The following MYO18B variants were observed in gnomAD, a reference collection of about 807,000 sequenced individuals.
The protein encoded by MYO18B is unconventional myosin-XVIIIb.
In MYO18B, 204 loss-of-function variants were observed where a neutral mutation model predicts 273.0. That is an observed-to-expected ratio of 0.75 (90% CI 0.67 to 0.84). The LOEUF (loss-of-function observed/expected upper bound fraction) is 0.84, where lower values mean the gene tolerates loss of function less well. Ranked by LOEUF, MYO18B falls within the 40% of genes least tolerant of loss-of-function variation. The pLI is 0.00. For synonymous variants in MYO18B, 1,330 were observed against 1,305.7 expected (o/e 1.02, Z -0.40); for missense variants, 3,212 against 3,287.6 (o/e 0.98, Z 0.56).
chr22:25,955,543 TG>T (rs1393278994), intron 39 of MYO18B, among the ~76,000 whole-genome samples, 179 bp downstream of exon 39: 2 of 152,190 alleles, frequency 1.3e-5, no homozygotes, highest in Non-Finnish European at 2.9e-5. Context: ...CGTCATTGGC[TG>T]CAAACCCTGG....
chr22:25,875,133 A>G (rs1348009170), intron 23 of MYO18B, among the ~76,000 whole-genome samples: 5 of 152,200 alleles, frequency 3.3e-5, no homozygotes, highest in Non-Finnish European at 5.9e-5. Flanking sequence ...GTGAATAATG[A>G]ACATATTGTG....
At chr22:25,848,120 A>C (rs1420616795) in intron 20 of MYO18B, among the ~76,000 whole-genome samples, 1 of 152,198 alleles carries the variant, frequency 6.6e-6, no homozygotes. Flanking sequence ...TCTTCCTTTT[A>C]GCCATGAATT....
At chr22:25,892,244 A>G (rs972828270) in intron 27 of MYO18B, 1 of 152,244 alleles carries the variant, frequency 6.6e-6, no homozygotes, top group Non-Finnish European at 1.5e-5. Flanking sequence ...ATGAGGAATG[A>G]TGAGATCACA....
At chr22:25,926,528 C>T (rs1012771406) in intron 34 of MYO18B, among the ~76,000 whole-genome samples, 1 of 152,156 alleles carries the variant, frequency 6.6e-6, no homozygotes, top group African/African-American at 2.4e-5. Flanking sequence ...CTCCTGGCCT[C>T]AAGTGATCCA....
At chr22:25,986,548 T>C (rs1258137149) in intron 39 of MYO18B, among the ~76,000 whole-genome samples, 1 of 152,258 alleles carries the variant, frequency 6.6e-6, no homozygotes, top group Non-Finnish European at 1.5e-5. Flanking sequence ...TTTAGCAGAC[T>C]GCCTGTGTAT....
At chr22:25,893,297 T>G (rs1449740157) in intron 27 of MYO18B, among the ~76,000 whole-genome samples, 1 of 152,136 alleles carries the variant, frequency 6.6e-6, no homozygotes, top group African/African-American at 2.4e-5. Flanking sequence ...CTGGACACTG[T>G]GGGGGTTACA....
At chr22:25,784,427 GA>G (rs2087292518) in intron 10 of MYO18B, among the ~76,000 whole-genome samples, 1 of 152,208 alleles carries the variant, frequency 6.6e-6, no homozygotes, top group South Asian at 2.1e-4. Flanking sequence ...TTACAGATAA[GA>G]AAAAGTGAGT....
intron 42 of MYO18B, among the ~76,000 whole-genome samples, chr22:26,013,532 T>C (rs1935075209): frequency 6.6e-6 from 1 of 152,250 alleles, no homozygotes. Context: ...TGCATGAATA[T>C]ACAGATTTCT....
At chr22:25,921,495 G>A (rs542662617) in intron 34 of MYO18B, 86 bp downstream of exon 34, 40 of 1,468,796 alleles carry the variant, frequency 2.7e-5, no homozygotes, top group Middle Eastern at 4.8e-4. Context: ...AGGTATGAGC[G>A]GAACCATGGT....
intron 25 of MYO18B, among the ~76,000 whole-genome samples, chr22:25,882,416 G>A (rs1601452783): frequency 1.3e-5 from 2 of 152,034 alleles, no homozygotes; most frequent in East Asian, 1.9e-4. Flanking sequence ...GGCTATTGAG[G>A]TGTTAGGGAA....
At chr22:26,043,771 C>T in the MYO18B span, among the ~76,000 whole-genome samples, 1 of 152,050 alleles carries the variant, frequency 6.6e-6, no homozygotes, top group South Asian at 2.1e-4. Context: ...GCCTCGTTGG[C>T]CTCCCAAAGT....
intron 25 of MYO18B, among the ~76,000 whole-genome samples, chr22:25,889,093 T>G (rs1208546486): frequency 1.3e-5 from 2 of 152,130 alleles, no homozygotes; most frequent in Non-Finnish European, 2.9e-5. Context: ...CTTTGTTCTG[T>G]GCAAACAAAA....
chr22:25,988,126 A>C (rs2093221745), intron 39 of MYO18B, among the ~76,000 whole-genome samples: 2 of 151,680 alleles, frequency 1.3e-5, no homozygotes, highest in Non-Finnish European at 1.5e-5. Context: ...GTTTCATGAG[A>C]GGGGCACTGG....
chr22:25,855,204 G>A (rs954608063), intron 21 of MYO18B, among the ~76,000 whole-genome samples: 4 of 151,530 alleles, frequency 2.6e-5, no homozygotes, highest in African/African-American at 7.3e-5. Context: ...TGTGGTATTT[G>A]GTTTTCTGTT....
In MYO18B at chr22:26,030,721, A is replaced by T. The variant is rs1389252397; in HGVS notation, c.*291A>T. ...GTGCAGATAGGGGTAGGACTGTTAG[A>T]ATAGAACCAACCCAAACTGTGTGTA... On this transcript the variant is annotated 3_prime_UTR_variant, in exon 44 of 44. Coordinates refer to ENST00000335473, the MANE Select transcript of MYO18B (RefSeq NM_032608.7). The T allele has an allele frequency of 1.3e-5, 5 of 389,342 alleles. No homozygotes were observed. The highest frequency in any genetic ancestry group is 2.3e-5 in the Non-Finnish European group (5 of 220,712). The allele number at this position is 389,342 out of a possible 1,614,324, so 24.1% of individuals were successfully genotyped here. A position where few individuals can be genotyped will look rare whatever the true frequency, so the allele number is the denominator to read the frequency against.
chr22:26,029,318 C>T (rs1936529413), intron 43 of MYO18B, among the ~76,000 whole-genome samples: 1 of 152,172 alleles, frequency 6.6e-6, no homozygotes, highest in Admixed American at 6.5e-5. Context: ...ATGAGGCACA[C>T]GTCCTCTATT....
intron 42 of MYO18B, among the ~76,000 whole-genome samples, chr22:26,013,312 G>A (rs181644807): frequency 6.6e-6 from 1 of 152,248 alleles, no homozygotes; most frequent in Non-Finnish European, 1.5e-5. Context: ...GCTGCCAAAT[G>A]TCTTACAATG....
intron 34 of MYO18B, among the ~76,000 whole-genome samples, chr22:25,942,150 TAGCAAGACGGTGCTGCTGGCAGA>T (rs1224171287): frequency 6.6e-5 from 10 of 152,328 alleles, no homozygotes; most frequent in African/African-American, 2.4e-4. Flanking sequence ...AACTGAGGCA[TAGCAAGACGGTGCTGCTGGCAGA>T]AGCAGACTGC....
intron 30 of MYO18B, chr22:25,903,206 G>C (rs1209494976): frequency 4.9e-6 from 1 of 202,298 alleles, no homozygotes; most frequent in Non-Finnish European, 1.0e-5. Flanking sequence ...CTGGCCCAAA[G>C]TTATTTGATC....
Sources: gnomAD v4.1 joint callset for allele counts (sites outside exome capture counted in the v4.1 genomes callset) on GRCh38, gnomAD v4.1.1 for gene constraint, MANE v1.5 for transcripts, NCBI Gene and HGNC (gene_info 2026-07-23, HGNC 2026-07-21) for gene names.